Variants in ANAPC5 observed in about 807,000 individuals in gnomAD.
The protein encoded by ANAPC5 is anaphase promoting complex subunit 5, also known as anaphase-promoting complex subunit 5.
A neutral mutation model predicts 91.3 loss-of-function variants in ANAPC5; 60 were observed. The observed-to-expected ratio is 0.66, with a 90% confidence interval of 0.53 to 0.81. The LOEUF is 0.81. Ranked by LOEUF, ANAPC5 falls within the 40% of genes least tolerant of loss-of-function variation. The pLI, the probability that ANAPC5 is intolerant of heterozygous loss-of-function variation, is 0.00. For synonymous variants in ANAPC5, 340 were observed against 364.1 expected (o/e 0.93, Z 0.75); for missense variants, 690 against 931.5 (o/e 0.74, Z 3.37).
rs782110095 is a variant in ANAPC5, at chr12:121,337,401, T to A, written c.658-9A>T. 4.9e-5 allele frequency: 77 copies of A among 1,583,976 alleles called. No individual in the cohort carries two copies. Among genetic ancestry groups the A allele is most frequent in the Middle Eastern group, 1.7e-4 (1 of 6,018 alleles). Reference sequence around the variant, plus strand: ...TTCTTTAGCAAAGAAGCCTGAAATTTAAAAATGGTAACTCAGTAGAAAGAA... The same window carrying A: ...TTCTTTAGCAAAGAAGCCTGAAATTAAAAAATGGTAACTCAGTAGAAAGAA... On this transcript the variant is annotated splice_polypyrimidine_tract_variant and intron_variant, in intron 5 of 16. Transcript: ENST00000261819.
intron 15 of ANAPC5, among the ~76,000 whole-genome samples, chr12:121,310,715 C>G (rs767028290): frequency 1.3e-5 from 2 of 152,122 alleles, no homozygotes; most frequent in African/African-American, 2.4e-5. Flanking sequence ...GGGCAGATCA[C>G]TTGAGGTCAG....
Position 121,346,030 on chromosome 12 carries a change from A to G in ANAPC5, c.399T>C (p.Gly133=). The G allele has an allele frequency of 6.2e-7, 1 of 1,601,420 alleles. No individual in the cohort carries two copies. The highest frequency in any genetic ancestry group is 8.5e-7 in the Non-Finnish European group (1 of 1,175,208). Residue 133 remains glycine, a splice_region_variant and synonymous_variant, in exon 4 of 17, where the codon GGT becomes GGC. Coordinates refer to ENST00000261819, the MANE Select transcript of ANAPC5 (RefSeq NM_016237.5). ...EPEVHKTSVV[G]LFLRHMILAY... The stretch of plus-strand genomic sequence containing the variant: ...CCAAGATCATGTGACGCAGAAACAA[A>G]CCTACAAAATAAGACGAGAGACAAG...
chr12:121,313,648 AG>A (rs1902254012), intron 15 of ANAPC5, among the ~76,000 whole-genome samples: 1 of 152,208 alleles, frequency 6.6e-6, no homozygotes, highest in African/African-American at 2.4e-5. Context: ...ATTAGATAAA[AG>A]GTAAAATGAA....
At chr12:121,348,583 T>C (rs1555274929) in intron 1 of ANAPC5, among the ~76,000 whole-genome samples, 3 of 152,106 alleles carry the variant, frequency 2.0e-5, no homozygotes, top group Non-Finnish European at 4.4e-5. Context: ...GAGAATGGCT[T>C]GAACCTGGCA....
At chr12:121,338,040 T>C (rs1555273698) in intron 5 of ANAPC5, among the ~76,000 whole-genome samples, 1 of 152,140 alleles carries the variant, frequency 6.6e-6, no homozygotes, top group Non-Finnish European at 1.5e-5. Context: ...TATAGACACT[T>C]AACTCCAATT....
Position 121,332,758 on chromosome 12 carries a change from G to A in ANAPC5, c.951-1330C>T, listed in dbSNP as rs1555273048. On this transcript the variant is annotated intron_variant, in intron 7 of 16. Transcript: ENST00000261819. ...AAGAAGCCTGGGCCTGAGTAAATCA[G>A]GAATTAAGGAAAATGTACACATTAA... 3.9e-5 allele frequency: 6 copies of A among 152,150 alleles called. No individual in the cohort carries two copies. In the East Asian group the frequency reaches 1.2e-3, roughly 29 times the overall value. 9.4% of individuals were successfully genotyped at this position (152,150 alleles called of 1,614,324 possible).
In ANAPC5 at chr12:121,328,724, G is replaced by A. The variant is rs540744464; in HGVS notation, c.1123-227C>T. The A allele has an allele frequency of 9.2e-5, 41 of 444,832 alleles. No homozygotes were observed. In the East Asian group the frequency reaches 1.6e-3, roughly 17 times the overall value. 27.6% of individuals were successfully genotyped at this position (444,832 alleles called of 1,614,324 possible). A position where few individuals can be genotyped will look rare whatever the true frequency, so the allele number is the denominator to read the frequency against. ...GGGTACACGGGAAAGAGCCAGCAGG[G>A]CTTTAGCATTAGATGGACCTGGACT... On this transcript the variant is annotated intron_variant, in intron 9 of 16. Transcript: ENST00000261819.
intron 1 of ANAPC5, among the ~76,000 whole-genome samples, chr12:121,350,466 G>A (rs1411306198): frequency 6.6e-6 from 1 of 152,092 alleles, no homozygotes; most frequent in Admixed American, 6.6e-5. Context: ...CAGATCACGA[G>A]GTCTGGAGAT....
intron 7 of ANAPC5, 121 bp from the exon 8 acceptor site, chr12:121,331,549 T>C (rs1322431363): frequency 2.7e-6 from 2 of 728,172 alleles, no homozygotes; most frequent in East Asian, 5.7e-5. Flanking sequence ...AAGCTGTAAC[T>C]ATTTCTGGGC....
intron 9 of ANAPC5, 67 bp downstream of exon 9, chr12:121,330,516 G>A (rs1903004195): frequency 3.1e-6 from 4 of 1,309,094 alleles, no homozygotes; most frequent in East Asian, 2.3e-5. Context: ...AATGACAGAG[G>A]TGGGCAGAAA....
intron 4 of ANAPC5, among the ~76,000 whole-genome samples, chr12:121,343,955 A>G (rs1356776827): frequency 6.6e-6 from 1 of 152,228 alleles, no homozygotes; most frequent in Non-Finnish European, 1.5e-5. Context: ...GCCTGCAAGT[A>G]CAAGTAGTTT....
chr12:121,309,188 C>T (rs187045922), intron 16 of ANAPC5, among the ~76,000 whole-genome samples: 2,199 of 143,720 alleles, frequency 0.015, 57 homozygotes, highest in African/African-American at 0.054. Context: ...CAGTGGCTCA[C>T]ACCTATAATC....
chr12:121,327,370 C>CA, intron 10 of ANAPC5, 139 bp from the exon 11 acceptor site: 2 of 1,005,206 alleles, frequency 2.0e-6, no homozygotes, highest in Non-Finnish European at 1.4e-6. Context: ...AGATGCCTCC[C>CA]AGTGCCAGCA....
intron 5 of ANAPC5, among the ~76,000 whole-genome samples, chr12:121,339,827 T>G (rs1167666049): frequency 6.6e-6 from 1 of 152,070 alleles, no homozygotes; most frequent in Non-Finnish European, 1.5e-5. Context: ...TCAATTTTTA[T>G]TCTGAAAATC....
At chr12:121,322,170 T>G (rs1160032410) in intron 11 of ANAPC5, among the ~76,000 whole-genome samples, 1 of 151,164 alleles carries the variant, frequency 6.6e-6, no homozygotes, top group Admixed American at 6.6e-5. Flanking sequence ...GGCCTGTTTT[T>G]TTTTTTGAGA....
At chr12:121,326,958 G>T in intron 11 of ANAPC5, 138 bp downstream of exon 11, 1 of 1,204,318 alleles carries the variant, frequency 8.3e-7, no homozygotes, top group Non-Finnish European at 1.1e-6. Context: ...CCCTTCCACT[G>T]GTGGGATTTC....
chr12:121,325,947 G>A (rs1475256335), intron 11 of ANAPC5, among the ~76,000 whole-genome samples: 1 of 152,232 alleles, frequency 6.6e-6, no homozygotes, highest in Non-Finnish European at 1.5e-5. Flanking sequence ...AGGAAAGGAA[G>A]AGAAGTGATG....
chr12:121,316,151 C>A (rs1397706773), intron 15 of ANAPC5, among the ~76,000 whole-genome samples: 2 of 152,026 alleles, frequency 1.3e-5, no homozygotes, highest in Non-Finnish European at 2.9e-5. Flanking sequence ...AGACGTTTCT[C>A]CAAAGAACAT....
Position 121,327,116 on chromosome 12 carries a change from CGAGGTGGCA to C in ANAPC5, c.1411_1419del (p.Cys471_Leu473del). 6.2e-7 allele frequency: 1 copy of C among 1,608,578 alleles called. No individual in the cohort carries two copies. Among genetic ancestry groups the C allele is most frequent in the Non-Finnish European group, 8.5e-7 (1 of 1,178,286 alleles). Reference sequence around the variant, plus strand: ...CCTACCTGCTCCGCGTGTAGCTCTGCGAGGTGGCAGAGTGCGACAGCAAAGGACTCTGTG... The same window carrying C: ...CCTACCTGCTCCGCGTGTAGCTCTGCGAGTGCGACAGCAAAGGACTCTGTG... On this transcript the variant is annotated inframe_deletion, in exon 11 of 17. Transcript: ENST00000261819.
Sources: allele counts gnomAD v4.1 joint callset (sites outside exome capture counted in the v4.1 genomes callset), GRCh38; gene constraint gnomAD v4.1.1; transcripts MANE v1.5; gene names NCBI Gene and HGNC (gene_info 2026-07-23, HGNC 2026-07-21).